Variants in KCNB2 observed in about 807,000 individuals in gnomAD.
KCNB2 encodes potassium voltage-gated channel subfamily B member 2, also known as delayed rectifier potassium channel protein.
Under a neutral mutation model 61.5 loss-of-function variants are expected in KCNB2, and 15 were observed. The ratio of observed to expected loss-of-function variants is 0.24; its 90% confidence interval spans 0.16 to 0.38. The LOEUF (loss-of-function observed/expected upper bound fraction) is 0.38. KCNB2 is among the 10% of genes least tolerant of loss of function. The probability of loss-of-function intolerance (pLI) is 1.00; values close to 1 mark genes in which losing one functional copy is unlikely to be tolerated. For synonymous variants in KCNB2, 457 were observed against 446.0 expected, an observed-to-expected ratio of 1.02 and a Z score of -0.31; for missense variants, 828 against 1,125.2, an observed-to-expected ratio of 0.74 and a Z score of 3.78.
At chr8:72,648,101 C>CCCTAG (rs1302140963) in intron 2 of KCNB2, among the ~76,000 whole-genome samples, 2 of 152,116 alleles carry the variant, frequency 1.3e-5, no homozygotes, top group Non-Finnish European at 2.9e-5. Flanking sequence ...CAGGATGCAG[C>CCCTAG]CCTAGGTTAC....
intron 2 of KCNB2, among the ~76,000 whole-genome samples, chr8:72,933,439 A>G (rs1806832122): frequency 6.6e-6 from 1 of 152,266 alleles, no homozygotes; most frequent in Non-Finnish European, 1.5e-5. Context: ...TGATAAACAC[A>G]TGTCAGTAAA....
intron 2 of KCNB2, among the ~76,000 whole-genome samples, chr8:72,677,095 A>G (rs866627624): frequency 1.2e-4 from 10 of 85,994 alleles, no homozygotes; most frequent in African/African-American, 6.6e-4. Context: ...AAAAGGAGAA[A>G]TTTGGACACA....
intron 1 of KCNB2, among the ~76,000 whole-genome samples, chr8:72,559,896 A>G (rs1025203362): frequency 1.3e-5 from 2 of 152,198 alleles, no homozygotes; most frequent in South Asian, 2.1e-4. Flanking sequence ...GCAACTATCA[A>G]CTGAGGTCAG....
At chr8:72,703,225 CA>C (rs1807164097) in intron 2 of KCNB2, among the ~76,000 whole-genome samples, 1 of 152,156 alleles carries the variant, frequency 6.6e-6, no homozygotes, top group Non-Finnish European at 1.5e-5. Flanking sequence ...TCAGCTTACA[CA>C]GAATGTTACA....
intron 2 of KCNB2, among the ~76,000 whole-genome samples, chr8:72,705,288 T>C (rs563015058): frequency 6.6e-6 from 1 of 152,354 alleles, no homozygotes; most frequent in African/African-American, 2.4e-5. Flanking sequence ...CCCCTCTCTG[T>C]TGCATACAGG....
chr8:72,710,185 G>A (rs1333873211), intron 2 of KCNB2, among the ~76,000 whole-genome samples: 1 of 152,144 alleles, frequency 6.6e-6, no homozygotes. Context: ...CCATCCATGA[G>A]TGAGCTATTT....
intron 2 of KCNB2, among the ~76,000 whole-genome samples, chr8:72,734,241 C>G (rs952067466): frequency 6.6e-6 from 1 of 152,154 alleles, no homozygotes; most frequent in Non-Finnish European, 1.5e-5. Flanking sequence ...CTAGGCTCAA[C>G]CTGTACAGGC....
intron 2 of KCNB2, among the ~76,000 whole-genome samples, chr8:72,703,908 TTAA>T (rs1371475514): frequency 1.3e-5 from 2 of 152,210 alleles, no homozygotes; most frequent in Non-Finnish European, 2.9e-5. Flanking sequence ...CATCATTCTA[TTAA>T]TTTCACTGTT....
chr8:72,904,573 G>A (rs533064189), intron 2 of KCNB2, among the ~76,000 whole-genome samples: 4 of 152,180 alleles, frequency 2.6e-5, no homozygotes, highest in Non-Finnish European at 4.4e-5. Context: ...TTAACAATTA[G>A]ACAAGAGAAA....
chr8:72,665,467 G>A (rs1171406005), intron 2 of KCNB2, among the ~76,000 whole-genome samples: 1 of 151,972 alleles, frequency 6.6e-6, no homozygotes, highest in Non-Finnish European at 1.5e-5. Flanking sequence ...AAAAGTGAAA[G>A]AAAATGGTTT....
At chr8:72,648,843 A>G (rs1806170314) in intron 2 of KCNB2, among the ~76,000 whole-genome samples, 1 of 152,150 alleles carries the variant, frequency 6.6e-6, no homozygotes, top group African/African-American at 2.4e-5. Flanking sequence ...AAACTATATT[A>G]TTCACCAGAC....
At chr8:72,624,816 G>GTGC (rs890422050) in intron 2 of KCNB2, among the ~76,000 whole-genome samples, 7 of 152,172 alleles carry the variant, frequency 4.6e-5, no homozygotes, top group Non-Finnish European at 8.8e-5. Context: ...TAACATCGCA[G>GTGC]TGCCCCTCCT....
At chr8:72,918,364 A>G (rs908727142) in intron 2 of KCNB2, among the ~76,000 whole-genome samples, 5 of 152,324 alleles carry the variant, frequency 3.3e-5, no homozygotes, top group African/African-American at 9.6e-5. Flanking sequence ...GACACTGGGC[A>G]TATTTTTTAT....
chr8:72,836,009 G>A (rs569287313), intron 2 of KCNB2, among the ~76,000 whole-genome samples: 1 of 152,170 alleles, frequency 6.6e-6, no homozygotes, highest in South Asian at 2.1e-4. Context: ...ACTAATTTTG[G>A]AATGTAACAG....
chr8:72,676,114 A>G (rs1241624889), intron 2 of KCNB2, among the ~76,000 whole-genome samples: 1 of 152,132 alleles, frequency 6.6e-6, no homozygotes, highest in Non-Finnish European at 1.5e-5. Context: ...TCCCAAACCT[A>G]CTTAGTTTTC....
chr8:72,731,891 C>G (rs1563573832), intron 2 of KCNB2, among the ~76,000 whole-genome samples: 1 of 152,196 alleles, frequency 6.6e-6, no homozygotes, highest in Non-Finnish European at 1.5e-5. Flanking sequence ...TCTGGGGCCA[C>G]TTTGGTTTCC....
At chr8:72,791,798 C>A (rs1298783044) in intron 2 of KCNB2, among the ~76,000 whole-genome samples, 1 of 152,176 alleles carries the variant, frequency 6.6e-6, no homozygotes, top group Non-Finnish European at 1.5e-5. Context: ...GGCCCCAAAA[C>A]TGATCCAAGC....
chr8:72,698,903 T>C (rs1358447933), intron 2 of KCNB2, among the ~76,000 whole-genome samples: 1 of 152,070 alleles, frequency 6.6e-6, no homozygotes, highest in Non-Finnish European at 1.5e-5. Flanking sequence ...CCGCAAACTA[T>C]AAGAATCATA....
chr8:72,864,505 G>T (rs1805481088), intron 2 of KCNB2, among the ~76,000 whole-genome samples: 1 of 152,178 alleles, frequency 6.6e-6, no homozygotes, highest in African/African-American at 2.4e-5. Flanking sequence ...TGTGGTAGAG[G>T]AGGTATAAAT....
Sources: gnomAD v4.1 joint callset for allele counts (sites outside exome capture counted in the v4.1 genomes callset) on GRCh38, gnomAD v4.1.1 for gene constraint, MANE v1.5 for transcripts, NCBI Gene and HGNC (gene_info 2026-07-23, HGNC 2026-07-21) for gene names.